CHD9: variants seen among roughly 807,000 people sequenced by gnomAD.
The protein encoded by CHD9 is ATP-dependent chromatin remodeler CHD9.
Under a neutral mutation model 316.1 loss-of-function variants are expected in CHD9, and 77 were observed. That is an observed-to-expected ratio of 0.24 (90% CI 0.20 to 0.29). CHD9 has a LOEUF of 0.29. Among genes scored for constraint, CHD9 ranks in the 10% least tolerant of loss-of-function variants. The probability of loss-of-function intolerance (pLI) is 1.00; values close to 1 mark genes in which losing one functional copy is unlikely to be tolerated. For synonymous variants in CHD9, 1,129 were observed against 1,158.3 expected (o/e 0.97, Z 0.51); for missense variants, 2,763 against 3,438.1 (o/e 0.80, Z 4.91).
intron 2 of CHD9, among the ~76,000 whole-genome samples, chr16:53,195,573 C>T (rs2044834411): frequency 6.6e-6 from 1 of 152,082 alleles, no homozygotes; most frequent in African/African-American, 2.4e-5. Flanking sequence ...GTTGACAAAA[C>T]ACATTTCCTT....
chr16:53,222,404 T>G (rs1260976320), intron 3 of CHD9, among the ~76,000 whole-genome samples: 1 of 152,160 alleles, frequency 6.6e-6, no homozygotes, highest in African/African-American at 2.4e-5. Context: ...TAGAAGTACA[T>G]TAATTGTACT....
intron 2 of CHD9, among the ~76,000 whole-genome samples, chr16:53,203,868 A>G (rs571374713): frequency 6.6e-6 from 1 of 150,766 alleles, no homozygotes; most frequent in African/African-American, 2.4e-5. Context: ...CTAAAAATAC[A>G]AAAAAATTAG....
At chr16:53,067,774 G>A (rs1175402443) in intron 1 of CHD9, among the ~76,000 whole-genome samples, 1 of 152,220 alleles carries the variant, frequency 6.6e-6, no homozygotes, top group South Asian at 2.1e-4. Context: ...GTTTCTCCAC[G>A]GTAAAGTTAA....
chr16:53,078,590 T>G (rs542444093), intron 1 of CHD9, among the ~76,000 whole-genome samples: 1 of 152,324 alleles, frequency 6.6e-6, no homozygotes, highest in East Asian at 1.9e-4. Flanking sequence ...TTTGATCATG[T>G]CTACTTTTTT....
At chr16:53,176,917 A>G (rs946405440) in intron 2 of CHD9, among the ~76,000 whole-genome samples, 2 of 152,098 alleles carry the variant, frequency 1.3e-5, no homozygotes, top group Non-Finnish European at 2.9e-5. Context: ...CCTCACAACA[A>G]TCCAATGATG....
At chr16:53,264,387 A>G (rs145748162) in intron 20 of CHD9, among the ~76,000 whole-genome samples, 26 of 152,196 alleles carry the variant, frequency 1.7e-4, no homozygotes, top group Non-Finnish European at 2.9e-4. Flanking sequence ...TAAATTTTCT[A>G]TATGGGAGCA....
intron 1 of CHD9, chr16:53,131,074 G>GCCGCCGCTGCCACCGCTGCCACCCACCGC: frequency 6.7e-6 from 1 of 148,382 alleles, no homozygotes; most frequent in East Asian, 2.2e-4. Context: ...TGCCGCCGCC[G>GCCGCCGCTGCCACCGCTGCCACCCACCGC]CCGCCGCTGC....
At chr16:53,148,118 A>T (rs2040784933) in intron 1 of CHD9, among the ~76,000 whole-genome samples, 1 of 152,054 alleles carries the variant, frequency 6.6e-6, no homozygotes, top group Non-Finnish European at 1.5e-5. Flanking sequence ...GAGGTAGGAG[A>T]ATCGTTTGAA....
At chr16:53,146,796 CA>C (rs59556450) in intron 1 of CHD9, among the ~76,000 whole-genome samples, 44,239 of 120,546 alleles carry the variant, frequency 0.37, 6,573 homozygotes, top group Middle Eastern at 0.47. Flanking sequence ...GAGACGGTCT[CA>C]AAAAAAAAAA....
In CHD9 at chr16:53,326,828, C is replaced by G. The variant is rs1313081177; in HGVS notation, c.*1933C>G. On this transcript the variant is annotated 3_prime_UTR_variant, in exon 39 of 39. Transcript: ENST00000447540. ...ACCAACCACATTTCCCTTCCTCCCTCTAATTCTACCCACATGATCTTTATT... is the reference window on the plus strand; with the variant it reads ...ACCAACCACATTTCCCTTCCTCCCTGTAATTCTACCCACATGATCTTTATT... 1 of 151,286 alleles carries G rather than the reference C, an allele frequency of 6.6e-6. No homozygotes were observed. The highest frequency in any genetic ancestry group is 1.5e-5 in the Non-Finnish European group (1 of 67,734). The allele number at this position is 151,286 out of a possible 1,614,324, so 9.4% of individuals were successfully genotyped here.
intron 1 of CHD9, among the ~76,000 whole-genome samples, chr16:53,149,884 T>TA (rs1271776265): frequency 2.0e-5 from 3 of 151,852 alleles, no homozygotes; most frequent in Non-Finnish European, 4.4e-5. Context: ...TTTTTTTACT[T>TA]ACAGTATTTT....
intron 12 of CHD9, 57 bp downstream of exon 12, chr16:53,238,643 C>T (rs1393372801): frequency 3.9e-6 from 6 of 1,520,768 alleles, no homozygotes; most frequent in Non-Finnish European, 4.5e-6. Context: ...AAAAGATAAG[C>T]ATTACCTACC....
At chr16:53,175,419 G>A (rs905908102) in intron 2 of CHD9, among the ~76,000 whole-genome samples, 2 of 152,170 alleles carry the variant, frequency 1.3e-5, no homozygotes, top group African/African-American at 4.8e-5. Context: ...AGGGATTGCT[G>A]TCCTGGGCTG....
chr16:53,266,115 A>G (rs1444502296), intron 20 of CHD9, among the ~76,000 whole-genome samples: 1 of 152,020 alleles, frequency 6.6e-6, no homozygotes, highest in Non-Finnish European at 1.5e-5. Flanking sequence ...TAATAATTGT[A>G]GCATACAAGA....
intron 22 of CHD9, among the ~76,000 whole-genome samples, chr16:53,271,384 C>T (rs1246875392): frequency 1.3e-5 from 2 of 152,124 alleles, no homozygotes; most frequent in African/African-American, 2.4e-5. Flanking sequence ...GCCTGGCCAA[C>T]ATGGTGAAAC....
chr16:53,252,211 C>T (rs566879041), intron 17 of CHD9, among the ~76,000 whole-genome samples: 1 of 152,126 alleles, frequency 6.6e-6, no homozygotes, highest in African/African-American at 2.4e-5. Context: ...GACACATAGA[C>T]CAATGGAACA....
At chr16:53,161,534 C>T (rs1272537410) in intron 2 of CHD9, among the ~76,000 whole-genome samples, 1 of 152,054 alleles carries the variant, frequency 6.6e-6, no homozygotes, top group African/African-American at 2.4e-5. Context: ...ACTAAATTAA[C>T]ATCACTACAT....
chr16:53,162,851 C>A (rs897445410), intron 2 of CHD9, among the ~76,000 whole-genome samples: 6 of 148,302 alleles, frequency 4.0e-5, no homozygotes, highest in Non-Finnish European at 7.4e-5. Context: ...GGGGCGTGAT[C>A]ATGGCTCATT....
intron 1 of CHD9, among the ~76,000 whole-genome samples, chr16:53,066,430 T>G (rs1435762922): frequency 6.6e-6 from 1 of 152,144 alleles, no homozygotes; most frequent in African/African-American, 2.4e-5. Context: ...AAATGTACAT[T>G]ATGTACATGG....
Sources: gnomAD v4.1 joint callset for allele counts (sites outside exome capture counted in the v4.1 genomes callset) on GRCh38, gnomAD v4.1.1 for gene constraint, MANE v1.5 for transcripts, NCBI Gene and HGNC (gene_info 2026-07-23, HGNC 2026-07-21) for gene names.